The following SLC24A2 variants were observed in gnomAD, a reference collection of about 807,000 sequenced individuals.
The protein encoded by SLC24A2 is sodium/potassium/calcium exchanger 2.
SLC24A2 carries 36 observed loss-of-function variants against 62.0 expected under a neutral mutation model. The observed-to-expected ratio is 0.58, with a 90% CI of 0.44 to 0.77. The LOEUF (loss-of-function observed/expected upper bound fraction) is 0.77, where lower values mean the gene tolerates loss of function less well. SLC24A2 is among the 30% of genes least tolerant of loss of function. SLC24A2 has a pLI of 0.00. For missense variants in SLC24A2, 846 were observed against 817.9 expected (o/e 1.03, Z -0.42); for synonymous variants, 358 against 294.0 (o/e 1.22, Z -2.23).
chr9:19,956,403 T>C, the SLC24A2 span, among the ~76,000 whole-genome samples: 2 of 152,226 alleles, frequency 1.3e-5, no homozygotes, highest in South Asian at 4.1e-4. Flanking sequence ...TGAAACCTAA[T>C]CACCAGTGTA....
At chr9:19,737,069 A>G (rs1821531879) in intron 2 of SLC24A2, among the ~76,000 whole-genome samples, 1 of 152,212 alleles carries the variant, frequency 6.6e-6, no homozygotes. Context: ...TGAACAAATA[A>G]TATTTGAAGA....
chr9:19,826,716 G>C, the SLC24A2 span, among the ~76,000 whole-genome samples: 1 of 152,180 alleles, frequency 6.6e-6, no homozygotes, highest in African/African-American at 2.4e-5. Context: ...CATAAGGGTA[G>C]AGCCCTCATG....
At chr9:20,221,642 A>G in the SLC24A2 span, among the ~76,000 whole-genome samples, 1 of 152,042 alleles carries the variant, frequency 6.6e-6, no homozygotes, top group African/African-American at 2.4e-5. Context: ...AACAAAATAT[A>G]TAAAAATAAA....
the SLC24A2 span, among the ~76,000 whole-genome samples, chr9:19,917,600 C>T: frequency 5.3e-5 from 8 of 151,688 alleles, no homozygotes; most frequent in Non-Finnish European, 7.4e-5. Context: ...GCTTATCCCT[C>T]GGGTTTTCTG....
intron 2 of SLC24A2, among the ~76,000 whole-genome samples, chr9:19,648,382 C>G (rs1312953282): frequency 1.3e-5 from 2 of 152,136 alleles, no homozygotes; most frequent in African/African-American, 4.8e-5. Context: ...TAAAAAACCC[C>G]TAAATCCCCT....
the SLC24A2 span, among the ~76,000 whole-genome samples, chr9:19,838,167 T>A: frequency 1.3e-5 from 2 of 152,126 alleles, no homozygotes; most frequent in Non-Finnish European, 2.9e-5. Context: ...GACTTTAAAC[T>A]ATACTACAAG....
At chr9:20,012,467 G>T in the SLC24A2 span, among the ~76,000 whole-genome samples, 1 of 152,116 alleles carries the variant, frequency 6.6e-6, no homozygotes, top group East Asian at 1.9e-4. Flanking sequence ...AAATGTGGGT[G>T]GGGACACAGT....
the SLC24A2 span, among the ~76,000 whole-genome samples, chr9:19,961,662 CTAAG>C: frequency 6.6e-6 from 1 of 152,122 alleles, no homozygotes; most frequent in Admixed American, 6.5e-5. Flanking sequence ...GTGGATTGGA[CTAAG>C]TAACTCATTT....
intron 2 of SLC24A2, among the ~76,000 whole-genome samples, chr9:19,701,936 C>A (rs1820367430): frequency 6.6e-6 from 1 of 152,152 alleles, no homozygotes; most frequent in Non-Finnish European, 1.5e-5. Context: ...CCAAGACTAG[C>A]AGTAGCCTAC....
chr9:19,547,283 C>G (rs1834629118), intron 8 of SLC24A2, among the ~76,000 whole-genome samples: 1 of 152,082 alleles, frequency 6.6e-6, no homozygotes, highest in South Asian at 2.1e-4. Flanking sequence ...CTTGGGGGAG[C>G]AATGAAGTAA....
At chr9:19,928,199 A>T in the SLC24A2 span, 1 of 152,292 alleles carries the variant, frequency 6.6e-6, no homozygotes, top group Admixed American at 6.5e-5. Flanking sequence ...GTTCTTTCCA[A>T]ACCCTTGATA....
intron 2 of SLC24A2, among the ~76,000 whole-genome samples, chr9:19,686,080 C>T: frequency 6.6e-6 from 1 of 151,872 alleles, no homozygotes; most frequent in Admixed American, 6.6e-5. Context: ...AAAAAACAAC[C>T]CTATTAAAAA....
At chr9:20,175,353 A>C in the SLC24A2 span, among the ~76,000 whole-genome samples, 7 of 151,962 alleles carry the variant, frequency 4.6e-5, no homozygotes, top group Non-Finnish European at 8.8e-5. Context: ...CATGTAATCA[A>C]AGACCACCTA....
chr9:19,631,347 G>T (rs1029806991), intron 2 of SLC24A2, among the ~76,000 whole-genome samples: 1 of 152,100 alleles, frequency 6.6e-6, no homozygotes, highest in African/African-American at 2.4e-5. Flanking sequence ...TCTTGAATCA[G>T]TCTCCTCCCA....
intron 8 of SLC24A2, among the ~76,000 whole-genome samples, chr9:19,536,220 C>A (rs955100506): frequency 2.0e-4 from 29 of 144,586 alleles, no homozygotes; most frequent in Non-Finnish European, 3.9e-4. Flanking sequence ...TTTTATTACA[C>A]TTTAAGTTTT....
the SLC24A2 span, among the ~76,000 whole-genome samples, chr9:20,134,344 G>A: frequency 6.6e-5 from 10 of 152,054 alleles, no homozygotes; most frequent in Non-Finnish European, 1.5e-4. Flanking sequence ...TTCTCAAGGA[G>A]GGTTTCCCTT....
At chr9:20,119,042 G>C in the SLC24A2 span, among the ~76,000 whole-genome samples, 2 of 152,166 alleles carry the variant, frequency 1.3e-5, no homozygotes, top group Non-Finnish European at 2.9e-5. Flanking sequence ...AGAATTGAGA[G>C]TGGTTTTAAA....
chr9:20,261,373 G>C, the SLC24A2 span, among the ~76,000 whole-genome samples: 5 of 152,198 alleles, frequency 3.3e-5, no homozygotes, highest in African/African-American at 1.2e-4. Context: ...CCTTCAGGCT[G>C]CATTATGCCA....
At chr9:20,255,862 C>G in the SLC24A2 span, among the ~76,000 whole-genome samples, 1 of 152,176 alleles carries the variant, frequency 6.6e-6, no homozygotes, top group Non-Finnish European at 1.5e-5. Context: ...GCAAGTTGAG[C>G]CCAGCTCCGA....
Sources: allele counts gnomAD v4.1 joint callset (sites outside exome capture counted in the v4.1 genomes callset), GRCh38; gene constraint gnomAD v4.1.1; transcripts MANE v1.5; gene names NCBI Gene and HGNC (gene_info 2026-07-23, HGNC 2026-07-21).